Variants in PDZRN3 observed in about 807,000 individuals in gnomAD.
The protein encoded by PDZRN3 is PDZ domain containing ring finger 3.
In PDZRN3, 38 loss-of-function variants were observed where a neutral mutation model predicts 85.7. That is an observed-to-expected ratio of 0.44 (90% CI 0.34 to 0.58). The LOEUF (loss-of-function observed/expected upper bound fraction) is 0.58, where lower values mean the gene tolerates loss of function less well. Ranked by LOEUF, PDZRN3 falls within the 20% of genes least tolerant of loss-of-function variation. PDZRN3 has a pLI of 0.01. For synonymous variants in PDZRN3, 759 were observed against 638.0 expected, an observed-to-expected ratio of 1.19 and a Z score of -2.86; for missense variants, 1,629 against 1,506.4, an observed-to-expected ratio of 1.08 and a Z score of -1.35.
At chr3:73,489,699 A>T (rs1703735505) in intron 3 of PDZRN3, among the ~76,000 whole-genome samples, 1 of 147,426 alleles carries the variant, frequency 6.8e-6, no homozygotes, top group African/African-American at 2.5e-5. Context: ...CAGCCTCCCC[A>T]GTAGCTGGAA....
chr3:73,461,054 A>C lies in PDZRN3; in HGVS notation c.919-56659T>G, dbSNP rs946649567. ...GGTGATCAAGCCACCTTGGCCTCCC[A>C]AAGTGCTGGGATTACAGGCATGAGC... On this transcript the variant is annotated intron_variant, in intron 3 of 9. Coordinates refer to ENST00000263666, the MANE Select transcript of PDZRN3 (RefSeq NM_015009.3). Among the ~76,000 whole-genome samples, 4 of 152,112 alleles carry C rather than the reference A, an allele frequency of 2.6e-5. No individual in the cohort carries two copies. The South Asian group carries it at 8.3e-4, about 31-fold the overall frequency.
At chr3:73,453,619 A>G (rs1702919337) in intron 3 of PDZRN3, among the ~76,000 whole-genome samples, 1 of 151,568 alleles carries the variant, frequency 6.6e-6, no homozygotes, top group Admixed American at 6.6e-5. Flanking sequence ...ATTTATATAT[A>G]ATTATATATA....
chr3:73,511,004 G>A (rs1461987130), intron 3 of PDZRN3, among the ~76,000 whole-genome samples: 1 of 152,148 alleles, frequency 6.6e-6, no homozygotes, highest in Non-Finnish European at 1.5e-5. Context: ...ATACTCTACA[G>A]TTCTGACATG....
At chr3:73,452,839 C>CTGTGTGTGTGTGTGTGTGTG (rs35308043) in intron 3 of PDZRN3, among the ~76,000 whole-genome samples, 2,057 of 140,672 alleles carry the variant, frequency 0.015, 29 homozygotes, top group Admixed American at 0.021. Context: ...GTCCATATAT[C>CTGTGTGTGTGTGTGTGTGTG]TGTGTGTGTG....
chr3:73,430,423 T>C (rs970713513), intron 3 of PDZRN3, among the ~76,000 whole-genome samples: 2 of 152,204 alleles, frequency 1.3e-5, no homozygotes, highest in African/African-American at 4.8e-5. Context: ...TGTTGCCTCA[T>C]CAAATTAGAA....
chr3:73,422,223 G>C (rs1702218494), intron 3 of PDZRN3, among the ~76,000 whole-genome samples: 1 of 152,218 alleles, frequency 6.6e-6, no homozygotes, highest in Admixed American at 6.5e-5. Context: ...ATGAGTGACA[G>C]GATGAGTGAG....
chr3:73,582,892 G>C (rs1329567320), intron 3 of PDZRN3, among the ~76,000 whole-genome samples: 2 of 152,100 alleles, frequency 1.3e-5, no homozygotes, highest in Non-Finnish European at 2.9e-5. Context: ...TTTAATAAAT[G>C]CATACTATTT....
intron 3 of PDZRN3, among the ~76,000 whole-genome samples, chr3:73,488,928 G>C (rs1232335871): frequency 6.6e-6 from 1 of 152,226 alleles, no homozygotes; most frequent in East Asian, 1.9e-4. Flanking sequence ...GCGAGGGTTG[G>C]AGTCAGGTGT....
intron 3 of PDZRN3, among the ~76,000 whole-genome samples, chr3:73,520,220 T>C (rs566359873): frequency 6.6e-6 from 1 of 152,138 alleles, no homozygotes; most frequent in African/African-American, 2.4e-5. Context: ...AAGAGTAAAC[T>C]AGGCCAGGTG....
intron 3 of PDZRN3, among the ~76,000 whole-genome samples, chr3:73,496,927 G>A (rs901204007): frequency 1.3e-5 from 2 of 152,142 alleles, no homozygotes; most frequent in Non-Finnish European, 2.9e-5. Context: ...CTTGTCTTCA[G>A]CAGAATCATT....
intron 3 of PDZRN3, among the ~76,000 whole-genome samples, chr3:73,462,604 C>A (rs892208455): frequency 2.7e-5 from 4 of 150,126 alleles, no homozygotes; most frequent in African/African-American, 7.4e-5. Flanking sequence ...CATCATATTG[C>A]AGAAAGCAGC....
chr3:73,573,901 TA>T (rs1559744601), intron 3 of PDZRN3, among the ~76,000 whole-genome samples: 1 of 152,014 alleles, frequency 6.6e-6, no homozygotes, highest in Non-Finnish European at 1.5e-5. Flanking sequence ...TGTACCACTT[TA>T]AAAAAAATTC....
At position 73,456,999 on chromosome 3, in the gene PDZRN3, G is replaced by A. The variant is rs568856131; in HGVS notation, c.919-52604C>T. Among the ~76,000 whole-genome samples the A allele has an allele frequency of 1.1e-3, 174 of 152,134 alleles. 1 individual carries two copies. The highest frequency in any genetic ancestry group is 4.0e-3 in the African/African-American group (168 of 41,526). On this transcript the variant is annotated intron_variant, in intron 3 of 9. Transcript: ENST00000263666. ...CATTTAAAATGTATGTATCCTGTTG[G>A]TATGTTAAAACAAAATGCTTACTTT... is the stretch of plus-strand genomic sequence containing the variant.
chr3:73,605,595 C>T (rs1702588222), intron 2 of PDZRN3, among the ~76,000 whole-genome samples: 1 of 152,232 alleles, frequency 6.6e-6, no homozygotes, highest in Non-Finnish European at 1.5e-5. Context: ...GCATCTAACA[C>T]AGGAATTCCT....
chr3:73,598,950 A>G (rs62248674), intron 3 of PDZRN3, among the ~76,000 whole-genome samples: 1 of 152,326 alleles, frequency 6.6e-6, no homozygotes, highest in African/African-American at 2.4e-5. Context: ...CAATAGGGGT[A>G]TGTGCCAGAG....
intron 5 of PDZRN3, among the ~76,000 whole-genome samples, chr3:73,392,887 G>A (rs1045564311): frequency 6.6e-6 from 1 of 152,036 alleles, no homozygotes; most frequent in African/African-American, 2.4e-5. Context: ...AAATACTTTG[G>A]AATAACCAAT....
intron 3 of PDZRN3, among the ~76,000 whole-genome samples, chr3:73,407,525 CAT>C (rs1163061066): frequency 1.3e-5 from 2 of 152,056 alleles, no homozygotes. Context: ...GTAAATATCA[CAT>C]AGATATATTG....
intron 2 of PDZRN3, among the ~76,000 whole-genome samples, chr3:73,603,536 T>C (rs1333203829): frequency 1.3e-5 from 2 of 152,230 alleles, no homozygotes; most frequent in African/African-American, 4.8e-5. Context: ...AACAAAATCA[T>C]TTGAAATGTA....
intron 3 of PDZRN3, among the ~76,000 whole-genome samples, chr3:73,519,082 G>C (rs950340873): frequency 6.6e-6 from 1 of 152,182 alleles, no homozygotes; most frequent in Non-Finnish European, 1.5e-5. Context: ...AGACCACCTC[G>C]AAGGGAGAGA....
Sources: gnomAD v4.1 joint callset for allele counts (sites outside exome capture counted in the v4.1 genomes callset) on GRCh38, gnomAD v4.1.1 for gene constraint, MANE v1.5 for transcripts, NCBI Gene and HGNC (gene_info 2026-07-23, HGNC 2026-07-21) for gene names.